Variants in MACROD2 observed in about 807,000 individuals in gnomAD.
MACROD2 encodes the protein mono-ADP ribosylhydrolase 2.
Under a neutral mutation model 70.4 loss-of-function variants are expected in MACROD2, and 36 were observed. The ratio of observed to expected loss-of-function variants is 0.51; its 90% confidence interval spans 0.39 to 0.68. The LOEUF (loss-of-function observed/expected upper bound fraction) is 0.68. Ranked by LOEUF, MACROD2 falls within the 30% of genes least tolerant of loss-of-function variation. MACROD2 has a pLI of 0.00. For missense variants in MACROD2, 496 were observed against 538.4 expected (o/e 0.92, Z 0.78); for synonymous variants, 172 against 178.8 (o/e 0.96, Z 0.30).
chr20:15,301,960 C>T (rs2077648809), intron 6 of MACROD2, among the ~76,000 whole-genome samples: 1 of 152,118 alleles, frequency 6.6e-6, no homozygotes, highest in Non-Finnish European at 1.5e-5. Flanking sequence ...CAGTATAAAA[C>T]ACACAAATGT....
intron 5 of MACROD2, among the ~76,000 whole-genome samples, chr20:15,182,756 T>C (rs2076509096): frequency 6.6e-6 from 1 of 152,168 alleles, no homozygotes; most frequent in Non-Finnish European, 1.5e-5. Context: ...TTCATTCACA[T>C]AGCATTTCTT....
At chr20:15,372,297 T>A (rs895214249) in intron 6 of MACROD2, among the ~76,000 whole-genome samples, 2 of 152,242 alleles carry the variant, frequency 1.3e-5, no homozygotes, top group African/African-American at 2.4e-5. Context: ...AAAATCCAAG[T>A]TATCATCCAG....
chr20:14,802,875 A>T (rs1230618666), intron 5 of MACROD2, among the ~76,000 whole-genome samples: 1 of 151,822 alleles, frequency 6.6e-6, no homozygotes, highest in African/African-American at 2.4e-5. Flanking sequence ...TTTCAGTTAG[A>T]ATATCTCATT....
Position 15,691,185 on chromosome 20 carries a change from A to G in MACROD2, c.646-171560A>G, listed in dbSNP as rs115919290. ...CAGCAATTAAGAGCAACTAGACTCAATAAGAATTGAGTCATTTCCCTGCTC... is the reference window on the plus strand; with the variant it reads ...CAGCAATTAAGAGCAACTAGACTCAGTAAGAATTGAGTCATTTCCCTGCTC... On this transcript the variant is annotated intron_variant, in intron 8 of 17. Transcript: ENST00000684519. Among the ~76,000 whole-genome samples, 1,457 of 152,330 alleles carry G rather than the reference A, an allele frequency of 9.6e-3. 27 individuals carry two copies. The highest frequency in any genetic ancestry group is 0.033 in the African/African-American group (1,358 of 41,566).
intron 8 of MACROD2, among the ~76,000 whole-genome samples, chr20:15,800,963 G>A (rs1205967551): frequency 6.6e-6 from 1 of 151,222 alleles, no homozygotes; most frequent in Non-Finnish European, 1.5e-5. Context: ...TGCAAGATGT[G>A]CTTTGTTAAA....
At chr20:15,585,959 A>G (rs777360113) in intron 8 of MACROD2, among the ~76,000 whole-genome samples, 7 of 152,276 alleles carry the variant, frequency 4.6e-5, no homozygotes, top group Admixed American at 2.6e-4. Context: ...TATGCATCCA[A>G]TTCAAGTAAA....
chr20:14,963,096 C>CT (rs1266858949), intron 5 of MACROD2, among the ~76,000 whole-genome samples: 2 of 152,094 alleles, frequency 1.3e-5, no homozygotes, highest in South Asian at 2.1e-4. Flanking sequence ...CTGTACCATA[C>CT]TTTTTTTCAC....
At chr20:14,642,393 C>G (rs911365895) in intron 4 of MACROD2, among the ~76,000 whole-genome samples, 47 of 152,164 alleles carry the variant, frequency 3.1e-4, no homozygotes, top group African/African-American at 1.0e-3. Flanking sequence ...TGGAGTAGCA[C>G]TTATAATTTC....
At chr20:14,958,292 T>C (rs917718506) in intron 5 of MACROD2, among the ~76,000 whole-genome samples, 4 of 152,224 alleles carry the variant, frequency 2.6e-5, no homozygotes, top group African/African-American at 7.2e-5. Context: ...TAACTAGGAC[T>C]ATCTTTTAAG....
At chr20:15,470,607 G>T (rs2046952299) in intron 7 of MACROD2, among the ~76,000 whole-genome samples, 1 of 152,048 alleles carries the variant, frequency 6.6e-6, no homozygotes, top group African/African-American at 2.4e-5. Context: ...TCCCATCTTG[G>T]CTTGTGTCCA....
intron 4 of MACROD2, among the ~76,000 whole-genome samples, chr20:14,574,697 AAATAT>A (rs1429337084): frequency 1.1e-4 from 16 of 151,266 alleles, no homozygotes; most frequent in Admixed American, 9.9e-4. Flanking sequence ...AAAACATACA[AAATAT>A]AATATATCAC....
At chr20:15,924,794 G>A (rs2065464740) in intron 10 of MACROD2, among the ~76,000 whole-genome samples, 1 of 151,892 alleles carries the variant, frequency 6.6e-6, no homozygotes, top group South Asian at 2.1e-4. Context: ...CAAAAAAAAA[G>A]CAAAGAAAAA....
intron 5 of MACROD2, among the ~76,000 whole-genome samples, chr20:14,774,903 G>A (rs957855941): frequency 6.6e-6 from 1 of 151,994 alleles, no homozygotes; most frequent in African/African-American, 2.4e-5. Context: ...GCCTTTCACA[G>A]TTATTCTTTT....
chr20:15,427,866 T>C (rs2046318731), intron 6 of MACROD2, among the ~76,000 whole-genome samples: 1 of 152,186 alleles, frequency 6.6e-6, no homozygotes. Context: ...GGGTGATTTT[T>C]TCCCCCTGGG....
chr20:14,564,115 A>AATAAG (rs1568672813), intron 4 of MACROD2, among the ~76,000 whole-genome samples: 1 of 151,692 alleles, frequency 6.6e-6, no homozygotes, highest in Non-Finnish European at 1.5e-5. Context: ...TATTCAATAA[A>AATAAG]TGGTGCTGGG....
At chr20:15,996,807 G>A (rs886789749) in intron 15 of MACROD2, among the ~76,000 whole-genome samples, 2 of 151,956 alleles carry the variant, frequency 1.3e-5, no homozygotes, top group African/African-American at 2.4e-5. Context: ...TTTTTCCTAT[G>A]TCTTTTATGT....
At chr20:15,340,153 T>C (rs2078094798) in intron 6 of MACROD2, among the ~76,000 whole-genome samples, 1 of 131,754 alleles carries the variant, frequency 7.6e-6, no homozygotes, top group South Asian at 2.6e-4. Context: ...TTTTTTTTTT[T>C]TTTGAGATGG....
intron 8 of MACROD2, among the ~76,000 whole-genome samples, chr20:15,691,208 C>T (rs2050294901): frequency 6.6e-6 from 1 of 152,168 alleles, no homozygotes; most frequent in Admixed American, 6.5e-5. Flanking sequence ...CATTTCCCTG[C>T]TCTTCATTTG....
At chr20:14,112,891 A>G (rs1601238204) in intron 3 of MACROD2, among the ~76,000 whole-genome samples, 1 of 151,922 alleles carries the variant, frequency 6.6e-6, no homozygotes, top group East Asian at 1.9e-4. Context: ...AATCTATACA[A>G]CTTTAGGAGT....
Sources: gnomAD v4.1 joint callset for allele counts (sites outside exome capture counted in the v4.1 genomes callset) on GRCh38, gnomAD v4.1.1 for gene constraint, MANE v1.5 for transcripts, NCBI Gene and HGNC (gene_info 2026-07-23, HGNC 2026-07-21) for gene names.